The following ZFHX3 variants were observed in gnomAD, a reference collection of about 807,000 sequenced individuals.
ZFHX3 encodes the protein zinc finger homeobox protein 3.
A neutral mutation model predicts 279.1 loss-of-function variants in ZFHX3; 42 were observed. The observed-to-expected ratio is 0.15, with a 90% CI of 0.12 to 0.19. The LOEUF (loss-of-function observed/expected upper bound fraction) is 0.19. ZFHX3 is among the 10% of genes least tolerant of loss of function. The pLI is 1.00. For missense variants in ZFHX3, 4,981 were observed against 4,754.0 expected (o/e 1.05, Z -1.40); for synonymous variants, 2,293 against 1,957.8 (o/e 1.17, Z -4.52).
chr16:73,632,987 G>A (rs1469951287), intron 2 of ZFHX3, among the ~76,000 whole-genome samples: 1 of 152,154 alleles, frequency 6.6e-6, no homozygotes, highest in Non-Finnish European at 1.5e-5. Flanking sequence ...GCTGAGGCAG[G>A]AGAATGGTGT....
chr16:73,863,403 A>G (rs921878576), intron 1 of ZFHX3, among the ~76,000 whole-genome samples: 2 of 152,110 alleles, frequency 1.3e-5, no homozygotes, highest in Non-Finnish European at 2.9e-5. Flanking sequence ...GCAGGACGCC[A>G]AAAGGAAACA....
In ZFHX3 at chr16:72,783,372, C is replaced by T. The variant is rs1268494986; in HGVS notation, c.*3792G>A. 6.6e-6 allele frequency: 1 copy of T among 152,268 alleles called. No individual in the cohort carries two copies. The highest frequency in any genetic ancestry group is 1.9e-4 in the East Asian group (1 of 5,186). The allele number at this position is 152,268 out of a possible 1,614,324, so 9.4% of individuals were successfully genotyped here. On this transcript the variant is annotated 3_prime_UTR_variant, in exon 10 of 10. Coordinates refer to ENST00000268489, the MANE Select transcript of ZFHX3 (RefSeq NM_006885.4). ...GCAGTATCTCAGCGCCAACAAACAA[C>T]TCAATTTATGCTTCTATTTAAAATG...
intron 1 of ZFHX3, among the ~76,000 whole-genome samples, chr16:73,772,762 T>TG (rs58873536): frequency 0.018 from 2,788 of 152,232 alleles, 64 homozygotes; most frequent in Non-Finnish European, 0.023. Flanking sequence ...TAACTTCATA[T>TG]GGGGGGTGTG....
chr16:73,689,832 G>GT (rs1165286935), intron 1 of ZFHX3, among the ~76,000 whole-genome samples: 15 of 136,978 alleles, frequency 1.1e-4, no homozygotes, highest in African/African-American at 3.0e-4. Context: ...TTTTGTTGTT[G>GT]TTGTTTTTTT....
At chr16:73,546,319 T>C (rs2020107131) in intron 2 of ZFHX3, among the ~76,000 whole-genome samples, 1 of 151,946 alleles carries the variant, frequency 6.6e-6, no homozygotes, top group Non-Finnish European at 1.5e-5. Flanking sequence ...GTGCATCCAA[T>C]AGGTTTCTGG....
At chr16:73,543,480 G>A (rs1312300766) in intron 2 of ZFHX3, among the ~76,000 whole-genome samples, 3 of 152,122 alleles carry the variant, frequency 2.0e-5, no homozygotes, top group Non-Finnish European at 4.4e-5. Context: ...CACCGGCAGG[G>A]CCTGGCTCTG....
At chr16:72,991,783 G>T (rs895891643) in intron 1 of ZFHX3, among the ~76,000 whole-genome samples, 1 of 151,986 alleles carries the variant, frequency 6.6e-6, no homozygotes, top group African/African-American at 2.4e-5. Flanking sequence ...TTTTTTCAGG[G>T]TGTTTCACCC....
intron 9 of ZFHX3, 45 bp from the exon 10 acceptor site, chr16:72,788,893 G>T (rs1376907494): frequency 6.6e-7 from 1 of 1,509,202 alleles, no homozygotes; most frequent in East Asian, 2.3e-5. Context: ...CTGGGCAGGG[G>T]TAGGGCTGAA....
chr16:72,792,849 G>C (rs572988520), intron 9 of ZFHX3, among the ~76,000 whole-genome samples: 1 of 152,192 alleles, frequency 6.6e-6, no homozygotes, highest in Non-Finnish European at 1.5e-5. Context: ...AGTTTTCTTA[G>C]GGCATAATCC....
intron 1 of ZFHX3, among the ~76,000 whole-genome samples, chr16:73,766,690 C>A (rs1326275879): frequency 6.6e-6 from 1 of 152,174 alleles, no homozygotes; most frequent in Non-Finnish European, 1.5e-5. Flanking sequence ...ACATAACAGT[C>A]AGTCCAGCTG....
At chr16:73,727,914 G>A (rs949067307) in intron 1 of ZFHX3, among the ~76,000 whole-genome samples, 1 of 151,676 alleles carries the variant, frequency 6.6e-6, no homozygotes, top group Non-Finnish European at 1.5e-5. Context: ...ATCTTCCAGG[G>A]CTACACTGTG....
At chr16:73,675,076 G>A (rs1287729846) in intron 2 of ZFHX3, among the ~76,000 whole-genome samples, 1 of 152,156 alleles carries the variant, frequency 6.6e-6, no homozygotes, top group African/African-American at 2.4e-5. Flanking sequence ...TTGGGTCTGA[G>A]CTCAGTTCCA....
chr16:73,804,481 T>G (rs1440331623), intron 1 of ZFHX3, among the ~76,000 whole-genome samples: 1 of 152,166 alleles, frequency 6.6e-6, no homozygotes, highest in African/African-American at 2.4e-5. Flanking sequence ...TCAGAAACAT[T>G]GATTAAATGC....
chr16:73,399,025 C>G (rs1167735804), intron 3 of ZFHX3, among the ~76,000 whole-genome samples: 1 of 135,596 alleles, frequency 7.4e-6, no homozygotes, highest in African/African-American at 2.8e-5. Context: ...CCACCATGCC[C>G]CCCGCTAATT....
chr16:73,241,236 C>T (rs1255350776), intron 5 of ZFHX3, among the ~76,000 whole-genome samples: 5 of 152,212 alleles, frequency 3.3e-5, no homozygotes, highest in Non-Finnish European at 1.5e-5. Flanking sequence ...TGAGCTAAAT[C>T]TTGCCCTTTT....
At chr16:73,314,350 A>G (rs950294919) in intron 4 of ZFHX3, among the ~76,000 whole-genome samples, 15 of 152,142 alleles carry the variant, frequency 9.9e-5, no homozygotes, top group African/African-American at 3.6e-4. Flanking sequence ...GTTCCTTACG[A>G]TAATTCTCCT....
chr16:73,453,680 C>T (rs1256895322), intron 3 of ZFHX3, among the ~76,000 whole-genome samples: 1 of 152,190 alleles, frequency 6.6e-6, no homozygotes, highest in African/African-American at 2.4e-5. Context: ...CTGATAAAGA[C>T]ATAGCTGAGA....
intron 2 of ZFHX3, among the ~76,000 whole-genome samples, chr16:73,509,460 T>C (rs2019384968): frequency 6.6e-6 from 1 of 151,174 alleles, no homozygotes; most frequent in Non-Finnish European, 1.5e-5. Context: ...TGACTACATC[T>C]CCCACTTCCC....
intron 6 of ZFHX3, among the ~76,000 whole-genome samples, chr16:73,140,485 G>T (rs62052405): frequency 2.6e-5 from 4 of 151,908 alleles, no homozygotes; most frequent in Non-Finnish European, 5.9e-5. Flanking sequence ...TCGGGTTAAA[G>T]GTTTCAGTTC....
Sources: allele counts gnomAD v4.1 joint callset (sites outside exome capture counted in the v4.1 genomes callset), GRCh38; gene constraint gnomAD v4.1.1; transcripts MANE v1.5; gene names NCBI Gene and HGNC (gene_info 2026-07-23, HGNC 2026-07-21).